ANKIB1: variants seen among roughly 807,000 people sequenced by gnomAD.
ANKIB1 encodes the protein ankyrin repeat and IBR domain-containing protein 1.
ANKIB1 carries 43 observed loss-of-function variants against 122.1 expected under a neutral mutation model. That is an observed-to-expected ratio of 0.35 (90% CI 0.28 to 0.45). The LOEUF (loss-of-function observed/expected upper bound fraction) is 0.45, where lower values mean the gene tolerates loss of function less well. Ranked by LOEUF, ANKIB1 falls within the 20% of genes least tolerant of loss-of-function variation. The pLI, the probability that ANKIB1 is intolerant of heterozygous loss-of-function variation, is 1.00. For missense variants in ANKIB1, 992 were observed against 1,329.5 expected, an observed-to-expected ratio of 0.75 and a Z score of 3.95; for synonymous variants, 390 against 442.0, an observed-to-expected ratio of 0.88 and a Z score of 1.48.
At chr7:92,344,056 A>G (rs1005121260) in intron 6 of ANKIB1, among the ~76,000 whole-genome samples, 6 of 152,156 alleles carry the variant, frequency 3.9e-5, no homozygotes, top group African/African-American at 1.4e-4. Context: ...TTGCATATGT[A>G]ACGTGATAAA....
At chr7:92,377,209 T>C (rs180799745) in intron 11 of ANKIB1, among the ~76,000 whole-genome samples, 4 of 152,250 alleles carry the variant, frequency 2.6e-5, no homozygotes, top group Admixed American at 2.6e-4. Context: ...CTTATAGGGT[T>C]CTTAATTGAA....
chr7:92,280,092 G>A (rs150594722), intron 1 of ANKIB1, among the ~76,000 whole-genome samples: 2 of 152,204 alleles, frequency 1.3e-5, no homozygotes, highest in South Asian at 4.1e-4. Context: ...TATTCAGAGT[G>A]TTCTGCTCAC....
At chr7:92,275,688 G>A (rs1210743700) in intron 1 of ANKIB1, among the ~76,000 whole-genome samples, 1 of 152,154 alleles carries the variant, frequency 6.6e-6, no homozygotes, top group Non-Finnish European at 1.5e-5. Flanking sequence ...TTAAGTAGAA[G>A]TGCACAAACT....
At chr7:92,369,834 T>C (rs1804192653) in intron 10 of ANKIB1, among the ~76,000 whole-genome samples, 2 of 152,196 alleles carry the variant, frequency 1.3e-5, no homozygotes, top group Non-Finnish European at 2.9e-5. Context: ...ATTGCTGACA[T>C]TCTTGCAGGA....
At chr7:92,272,799 A>T (rs1003720922) in intron 1 of ANKIB1, among the ~76,000 whole-genome samples, 6 of 152,334 alleles carry the variant, frequency 3.9e-5, no homozygotes, top group African/African-American at 1.4e-4. Flanking sequence ...TGATTTTGTC[A>T]TGTGAACATC....
Position 92,399,903 on chromosome 7 carries a change from A to C in ANKIB1, c.*954A>C, listed in dbSNP as rs1804981601. The C allele has an allele frequency of 6.6e-6, 1 of 152,178 alleles. No individual in the cohort carries two copies. The highest frequency in any genetic ancestry group is 2.4e-5 in the African/African-American group (1 of 41,428). 9.4% of individuals were successfully genotyped at this position (152,178 alleles called of 1,614,324 possible). The stretch of plus-strand genomic sequence containing the variant: ...TGCATTCTAATTACTGATGGGTGCA[A>C]TTACTTTTAATCGTGTTTTATAAAA... On this transcript the variant is annotated 3_prime_UTR_variant, in exon 20 of 20. Transcript: ENST00000265742.
intron 7 of ANKIB1, among the ~76,000 whole-genome samples, chr7:92,346,836 C>G (rs1359745301): frequency 6.6e-6 from 1 of 152,170 alleles, no homozygotes; most frequent in Non-Finnish European, 1.5e-5. Context: ...CAGGAACTAT[C>G]TCCCAAACTC....
chr7:92,376,664 G>T (rs1378881766), intron 11 of ANKIB1, among the ~76,000 whole-genome samples: 1 of 151,978 alleles, frequency 6.6e-6, no homozygotes, highest in Non-Finnish European at 1.5e-5. Flanking sequence ...TGCTAGGCTG[G>T]TCTAGAATTC....
At chr7:92,305,916 C>A (rs1382400548) in intron 2 of ANKIB1, among the ~76,000 whole-genome samples, 2 of 152,120 alleles carry the variant, frequency 1.3e-5, no homozygotes, top group African/African-American at 2.4e-5. Flanking sequence ...AGTGGATGAT[C>A]CTCGAGACCA....
At chr7:92,384,627 A>C (rs923997222) in intron 11 of ANKIB1, among the ~76,000 whole-genome samples, 3 of 152,114 alleles carry the variant, frequency 2.0e-5, no homozygotes, top group African/African-American at 7.2e-5. Context: ...CAAAAACAAG[A>C]AATGGGGAAA....
At chr7:92,250,559 C>T (rs1214004119) in intron 1 of ANKIB1, among the ~76,000 whole-genome samples, 2 of 152,130 alleles carry the variant, frequency 1.3e-5, no homozygotes, top group Non-Finnish European at 2.9e-5. Flanking sequence ...AACGGGACCA[C>T]AAGCTTTTAA....
At chr7:92,362,295 T>C in intron 10 of ANKIB1, 22 bp downstream of exon 10, 1 of 1,555,854 alleles carries the variant, frequency 6.4e-7, no homozygotes, top group Non-Finnish European at 8.7e-7. Flanking sequence ...TTTAGATAGC[T>C]TTGCTGCATA....
intron 1 of ANKIB1, among the ~76,000 whole-genome samples, chr7:92,261,106 T>C (rs1801553099): frequency 6.6e-6 from 1 of 152,026 alleles, no homozygotes. Flanking sequence ...TCCCAGCACT[T>C]TGGGAGGCCG....
At chr7:92,307,111 C>T (rs1185999198) in intron 2 of ANKIB1, among the ~76,000 whole-genome samples, 1 of 152,024 alleles carries the variant, frequency 6.6e-6, no homozygotes, top group East Asian at 1.9e-4. Flanking sequence ...CCCTTCCTTT[C>T]CCTCCCTTTT....
At chr7:92,282,240 G>A (rs990655125) in intron 1 of ANKIB1, among the ~76,000 whole-genome samples, 1 of 151,526 alleles carries the variant, frequency 6.6e-6, no homozygotes, top group African/African-American at 2.4e-5. Flanking sequence ...CACACCCTCC[G>A]CTCCCCAGGC....
intron 12 of ANKIB1, 107 bp downstream of exon 12, chr7:92,386,750 A>G: frequency 9.3e-7 from 1 of 1,077,508 alleles, no homozygotes; most frequent in Non-Finnish European, 1.2e-6. Context: ...ATTAAATTGA[A>G]TATACTTTAT....
At chr7:92,393,303 CCTGAT>C (rs1433246514) in intron 17 of ANKIB1, among the ~76,000 whole-genome samples, 1 of 151,668 alleles carries the variant, frequency 6.6e-6, no homozygotes, top group African/African-American at 2.4e-5. Context: ...TGCTTAGAGC[CCTGAT>C]CTGGACATTT....
intron 1 of ANKIB1, among the ~76,000 whole-genome samples, chr7:92,247,519 A>G (rs920403593): frequency 5.9e-5 from 9 of 152,214 alleles, no homozygotes; most frequent in African/African-American, 2.2e-4. Flanking sequence ...CTTGGTGCCT[A>G]TGACCCTCCT....
At chr7:92,347,190 A>G (rs996610952) in intron 7 of ANKIB1, among the ~76,000 whole-genome samples, 1 of 152,236 alleles carries the variant, frequency 6.6e-6, no homozygotes, top group African/African-American at 2.4e-5. Flanking sequence ...AGCTTATCCA[A>G]CAGTGGCCCA....
Sources: gnomAD v4.1 joint callset for allele counts (sites outside exome capture counted in the v4.1 genomes callset) on GRCh38, gnomAD v4.1.1 for gene constraint, MANE v1.5 for transcripts, NCBI Gene and HGNC (gene_info 2026-07-23, HGNC 2026-07-21) for gene names.